Variants in SLIT3 observed in about 807,000 individuals in gnomAD.
SLIT3 encodes slit homolog 3 protein.
A neutral mutation model predicts 184.0 loss-of-function variants in SLIT3; 68 were observed. The observed-to-expected ratio is 0.37, with a 90% confidence interval of 0.30 to 0.45. SLIT3 has a LOEUF of 0.45. Ranked by LOEUF, SLIT3 falls within the 20% of genes least tolerant of loss-of-function variation. The pLI is 1.00. For synonymous variants in SLIT3, 831 were observed against 828.6 expected (o/e 1.00, Z -0.05); for missense variants, 1,707 against 2,026.0 (o/e 0.84, Z 3.02).
chr5:169,033,974 G>A lies in SLIT3; in HGVS notation c.414-150638C>T, dbSNP rs191564515. Among the ~76,000 whole-genome samples, 614 of 151,826 alleles carry A rather than the reference G, an allele frequency of 4.0e-3. 3 individuals are homozygous for A. The highest frequency in any genetic ancestry group is 0.014 in the African/African-American group (576 of 41,358). ...ACTACAGGTGTCCACCACCACGCCC[G>A]GCTAATTTTTTGTATTTTTAGTAGA... On this transcript the variant is annotated intron_variant, in intron 4 of 35. Coordinates refer to ENST00000519560, the MANE Select transcript of SLIT3 (RefSeq NM_003062.4).
intron 16 of SLIT3, among the ~76,000 whole-genome samples, chr5:168,755,646 G>C (rs1229408737): frequency 1.3e-5 from 2 of 151,986 alleles, no homozygotes; most frequent in Non-Finnish European, 2.9e-5. Flanking sequence ...ATGTTGGCCA[G>C]GCTGGTCTCC....
At chr5:169,080,652 C>A (rs569727049) in intron 4 of SLIT3, among the ~76,000 whole-genome samples, 1 of 152,058 alleles carries the variant, frequency 6.6e-6, no homozygotes, top group South Asian at 2.1e-4. Flanking sequence ...TTTTGCAAAC[C>A]TGGCCTCTTC....
chr5:168,928,929 G>T (rs115738322), intron 4 of SLIT3, among the ~76,000 whole-genome samples: 2 of 152,154 alleles, frequency 1.3e-5, no homozygotes, highest in Non-Finnish European at 1.5e-5. Flanking sequence ...GCCTCTTGGC[G>T]TAAGACTCTT....
intron 3 of SLIT3, among the ~76,000 whole-genome samples, chr5:169,240,782 T>C (rs2113572258): frequency 6.6e-6 from 1 of 151,780 alleles, no homozygotes; most frequent in African/African-American, 2.4e-5. Flanking sequence ...GTCTATTTGT[T>C]CTATGTTCAT....
chr5:169,206,969 G>C lies in SLIT3; in HGVS notation c.342-13419C>G, dbSNP rs1174405265. Among the ~76,000 whole-genome samples, 5 of 151,576 alleles carry C rather than the reference G, an allele frequency of 3.3e-5. No homozygotes were observed. In the East Asian group the frequency reaches 9.7e-4, roughly 29 times the overall value. ...ATATGAGAACTGTAGGATGGAAAGG[G>C]AGCTGGGTAAAAGGGGGAAAGGGGC... On this transcript the variant is annotated intron_variant, in intron 3 of 35. Transcript: ENST00000519560.
chr5:168,772,829 C>T lies in SLIT3; in HGVS notation c.1411G>A (p.Ala471Thr), dbSNP rs1470213688. ...TTGATCTGGCTGATGCGCTTGTTGG[C>T]GAGTCGGCGCGGGCTGCTGCAGCGG... ...GARCSSPRRL[A>T]NKRISQIKSK... Residue 471 changes from alanine (A) to threonine (T), a missense_variant, in exon 14 of 36, where the codon GCC becomes ACC. Coordinates refer to ENST00000519560, the MANE Select transcript of SLIT3 (RefSeq NM_003062.4). 6.2e-6 allele frequency: 10 copies of T among 1,613,866 alleles called. No individual in the cohort carries two copies. Among genetic ancestry groups the T allele is most frequent in the African/African-American group, 2.7e-5 (2 of 74,866 alleles).
intron 1 of SLIT3, among the ~76,000 whole-genome samples, chr5:169,293,996 G>A (rs1051159355): frequency 6.6e-6 from 1 of 152,192 alleles, no homozygotes; most frequent in South Asian, 2.1e-4. Flanking sequence ...CGGAGAGCAC[G>A]GGGAGCTCAG....
At chr5:168,694,533 A>C (rs188015498) in intron 28 of SLIT3, among the ~76,000 whole-genome samples, 6 of 152,322 alleles carry the variant, frequency 3.9e-5, no homozygotes, top group African/African-American at 1.2e-4. Flanking sequence ...TCAGAAGATG[A>C]AAGAGGGAAG....
chr5:168,956,329 G>C (rs1762826093), intron 4 of SLIT3, among the ~76,000 whole-genome samples: 1 of 152,196 alleles, frequency 6.6e-6, no homozygotes, highest in Non-Finnish European at 1.5e-5. Flanking sequence ...TTAAGGTAAA[G>C]ATGTTCTCCG....
intron 4 of SLIT3, among the ~76,000 whole-genome samples, chr5:169,192,408 T>G (rs1210634571): frequency 6.7e-6 from 1 of 148,284 alleles, no homozygotes; most frequent in Non-Finnish European, 1.5e-5. Context: ...TAAAATAAAT[T>G]TATGTATATA....
intron 4 of SLIT3, among the ~76,000 whole-genome samples, chr5:169,086,070 A>G (rs1561654776): frequency 6.6e-6 from 1 of 152,180 alleles, no homozygotes; most frequent in African/African-American, 2.4e-5. Flanking sequence ...CCTAAAGCCA[A>G]CGGCCTTTCC....
At chr5:169,075,439 C>T (rs994400489) in intron 4 of SLIT3, among the ~76,000 whole-genome samples, 12 of 152,168 alleles carry the variant, frequency 7.9e-5, no homozygotes, top group African/African-American at 2.7e-4. Context: ...GTCTGTGTCT[C>T]TAAATCCTGG....
chr5:168,911,727 A>G (rs1242843950), intron 4 of SLIT3, among the ~76,000 whole-genome samples: 1 of 152,198 alleles, frequency 6.6e-6, no homozygotes, highest in East Asian at 1.9e-4. Context: ...AGCATAGCAA[A>G]TTCAGGTTCA....
At chr5:168,666,825 C>A in intron 35 of SLIT3, 136 bp from the exon 36 acceptor site, 1 of 1,396,502 alleles carries the variant, frequency 7.2e-7, no homozygotes. Flanking sequence ...ATCTGCCTAC[C>A]CTCCCCTCCA....
chr5:169,226,766 G>C (rs1764825690), intron 3 of SLIT3, among the ~76,000 whole-genome samples: 1 of 152,146 alleles, frequency 6.6e-6, no homozygotes, highest in Admixed American at 6.5e-5. Flanking sequence ...TATAGAGGTG[G>C]TAACAATGGG....
At chr5:168,872,678 G>A (rs1326313559) in intron 5 of SLIT3, among the ~76,000 whole-genome samples, 14 of 123,162 alleles carry the variant, frequency 1.1e-4, no homozygotes, top group East Asian at 2.4e-4. Context: ...TCACTCTGTC[G>A]CTCAGGCTAG....
chr5:169,265,491 A>G (rs946919137), intron 1 of SLIT3, among the ~76,000 whole-genome samples: 4 of 152,116 alleles, frequency 2.6e-5, no homozygotes, highest in Admixed American at 6.5e-5. Context: ...TCCCTCACTC[A>G]AGTTACCTGC....
At chr5:168,946,627 G>A (rs1447510753) in intron 4 of SLIT3, among the ~76,000 whole-genome samples, 1 of 152,194 alleles carries the variant, frequency 6.6e-6, no homozygotes, top group African/African-American at 2.4e-5. Flanking sequence ...GGGCTGATTT[G>A]CAAGCACAGG....
At chr5:169,045,984 T>A (rs1327958323) in intron 4 of SLIT3, among the ~76,000 whole-genome samples, 1 of 152,206 alleles carries the variant, frequency 6.6e-6, no homozygotes, top group Non-Finnish European at 1.5e-5. Flanking sequence ...AATATATCAC[T>A]CACTACGGAC....
Sources: allele counts gnomAD v4.1 joint callset (sites outside exome capture counted in the v4.1 genomes callset), GRCh38; gene constraint gnomAD v4.1.1; transcripts MANE v1.5; gene names NCBI Gene and HGNC (gene_info 2026-07-23, HGNC 2026-07-21).